Variants in VWA3A observed in about 807,000 individuals in gnomAD.
VWA3A encodes the protein von Willebrand factor A domain-containing protein 3A.
Under a neutral mutation model 160.4 loss-of-function variants are expected in VWA3A, and 134 were observed. The observed-to-expected ratio is 0.84, with a 90% confidence interval of 0.73 to 0.96. The LOEUF is 0.96. Among genes scored for constraint, VWA3A ranks in the 40% least tolerant of loss-of-function variants. VWA3A has a pLI of 0.00. For synonymous variants in VWA3A, 476 were observed against 543.4 expected (o/e 0.88, Z 1.72); for missense variants, 1,310 against 1,447.9 (o/e 0.90, Z 1.55).
At chr16:22,112,976 A>C (rs1393441889) in intron 8 of VWA3A, among the ~76,000 whole-genome samples, 2 of 152,238 alleles carry the variant, frequency 1.3e-5, no homozygotes, top group Non-Finnish European at 2.9e-5. Context: ...ATGAAAACAA[A>C]GTACCTGGCT....
At chr16:22,154,445 C>T (rs2046403860) in intron 31 of VWA3A, among the ~76,000 whole-genome samples, 1 of 144,862 alleles carries the variant, frequency 6.9e-6, no homozygotes, top group African/African-American at 2.6e-5. Context: ...TCTCATGTCT[C>T]AGCCTCCCGA....
At chr16:22,096,616 G>C (rs915477181) in intron 1 of VWA3A, among the ~76,000 whole-genome samples, 1 of 151,614 alleles carries the variant, frequency 6.6e-6, no homozygotes, top group Non-Finnish European at 1.5e-5. Context: ...ATAGTGGCTT[G>C]TGCCTGTAGT....
In VWA3A at chr16:22,132,994, C is replaced by A. The variant is rs774770543; in HGVS notation, c.1967C>A (p.Thr656Asn). ...TACGTGGGCGAGCCAAAGATGGACA[C>A]CACACCCCCTGCCCGCTATGCCAGT... ...LFYVGEPKMDTTPPARYASHT... is the reference protein window; with the variant it reads ...LFYVGEPKMDNTPPARYASHT... Residue 656 changes from threonine to asparagine, a missense_variant, in exon 20 of 34, where the codon ACC becomes AAC. Transcript: ENST00000389398. 31 of 1,613,882 alleles carry A rather than the reference C, an allele frequency of 1.9e-5. No homozygotes were observed. Among genetic ancestry groups the A allele is most frequent in the Non-Finnish European group, 2.6e-5 (31 of 1,179,914 alleles).
intron 8 of VWA3A, among the ~76,000 whole-genome samples, chr16:22,113,541 G>A (rs1285699370): frequency 6.7e-6 from 1 of 149,746 alleles, no homozygotes; most frequent in Non-Finnish European, 1.5e-5. Flanking sequence ...GTGTACTATT[G>A]TTGATTTTTC....
chr16:22,134,638 C>T (rs2046008731), intron 21 of VWA3A, among the ~76,000 whole-genome samples, 200 bp downstream of exon 21: 1 of 151,990 alleles, frequency 6.6e-6, no homozygotes, highest in Non-Finnish European at 1.5e-5. Context: ...TTGCCCCTCC[C>T]TGGCTTCTGG....
chr16:22,110,105 A>G (rs2045532223), intron 7 of VWA3A, among the ~76,000 whole-genome samples: 3 of 152,306 alleles, frequency 2.0e-5, no homozygotes, highest in East Asian at 3.9e-4. Flanking sequence ...ATTCCAGGCC[A>G]TGTGACTGCG....
chr16:22,149,392 C>T lies in VWA3A; in HGVS notation c.2985-395C>T, dbSNP rs149666852. On this transcript the variant is annotated intron_variant, in intron 28 of 33. Transcript: ENST00000389398. ...TAGCTTGGACTACAGGCGCACACCA[C>T]CATGCCTGGCTAATTTTTTAAAAAT... Among the ~76,000 whole-genome samples, 347 of 152,266 alleles carry T rather than the reference C, an allele frequency of 2.3e-3. 4 individuals carry two copies. The highest frequency in any genetic ancestry group is 7.8e-3 in the African/African-American group (325 of 41,546).
intron 17 of VWA3A, among the ~76,000 whole-genome samples, chr16:22,127,049 A>C (rs1239297062): frequency 6.7e-6 from 1 of 149,318 alleles, no homozygotes; most frequent in Admixed American, 6.7e-5. Context: ...TATAGTTTTA[A>C]AATTATATTT....
intron 1 of VWA3A, among the ~76,000 whole-genome samples, chr16:22,093,731 C>T (rs1007885085): frequency 6.6e-6 from 1 of 152,108 alleles, no homozygotes; most frequent in Non-Finnish European, 1.5e-5. Flanking sequence ...CCATTCCATT[C>T]TAAAGATGAA....
At chr16:22,141,886 G>A (rs565648655) in intron 24 of VWA3A, among the ~76,000 whole-genome samples, 194 bp downstream of exon 24, 40 of 152,270 alleles carry the variant, frequency 2.6e-4, no homozygotes, top group Middle Eastern at 6.8e-3. Flanking sequence ...CAACAACCAG[G>A]GAATGAGAGA....
At chr16:22,124,062 C>A (rs1236054741) in intron 16 of VWA3A, among the ~76,000 whole-genome samples, 1 of 151,758 alleles carries the variant, frequency 6.6e-6, no homozygotes. Context: ...GTAGTCCCAG[C>A]CACTTAGGAG....
At chr16:22,111,118 G>A (rs2045546873) in intron 8 of VWA3A, 124 bp downstream of exon 8, 4 of 781,914 alleles carry the variant, frequency 5.1e-6, no homozygotes, top group Admixed American at 3.5e-5. Flanking sequence ...AGTACAAAGA[G>A]ACAACTCACA....
At chr16:22,123,793 G>A (rs969973855) in intron 16 of VWA3A, 86 bp downstream of exon 16, 21 of 1,276,912 alleles carry the variant, frequency 1.6e-5, no homozygotes, top group South Asian at 4.1e-5. Context: ...CCTGTTGGTA[G>A]CATCAGAAGC....
chr16:22,098,961 T>C (rs1244335772), intron 3 of VWA3A, among the ~76,000 whole-genome samples: 1 of 141,772 alleles, frequency 7.1e-6, no homozygotes, highest in Non-Finnish European at 1.5e-5. Context: ...TGAGGTGTGG[T>C]GGCACGTGCC....
At chr16:22,133,332 G>T (rs557875546) in intron 20 of VWA3A, among the ~76,000 whole-genome samples, 3 of 152,130 alleles carry the variant, frequency 2.0e-5, no homozygotes, top group African/African-American at 7.2e-5. Flanking sequence ...TTGATGTTAT[G>T]TATATTTTAC....
chr16:22,093,761 T>C (rs763592789), intron 1 of VWA3A, among the ~76,000 whole-genome samples: 15 of 152,104 alleles, frequency 9.9e-5, no homozygotes, highest in Non-Finnish European at 1.9e-4. Flanking sequence ...GGTTCAGCAC[T>C]TTTTTGTTTG....
intron 21 of VWA3A, among the ~76,000 whole-genome samples, chr16:22,134,819 C>T (rs1472414743): frequency 6.6e-6 from 1 of 152,174 alleles, no homozygotes; most frequent in East Asian, 1.9e-4. Flanking sequence ...AGCCAATGAG[C>T]AGTCAGTGGA....
Position 22,121,550 on chromosome 16 carries a change from A to G in VWA3A, c.1289A>G (p.Asn430Ser), listed in dbSNP as rs543407642. Residue 430 changes from asparagine to serine, a missense_variant, in exon 14 of 34, where the codon AAT becomes AGT. Asn to Ser is a conservative substitution (Grantham distance 46). Transcript: ENST00000389398. ...AGTCTATATCAGGTCCTGGCACCCA[A>G]TGCATTCTCTCCTGTGGAGGAATTT... is the stretch of plus-strand genomic sequence containing the variant. ...KLSLYQVLAPNAFSPVEEFVP... is the reference protein window; with the variant it reads ...KLSLYQVLAPSAFSPVEEFVP... 4.9e-5 allele frequency: 79 copies of G among 1,613,796 alleles called. No homozygotes were observed. Among genetic ancestry groups the G allele is most frequent in the African/African-American group, 2.7e-4 (20 of 75,028 alleles).
Position 22,121,069 on chromosome 16 carries a change from T to G in VWA3A, c.1218T>G (p.Thr406=). The G allele has an allele frequency of 6.2e-7, 1 of 1,613,974 alleles. No individual in the cohort carries two copies. Among genetic ancestry groups the G allele is most frequent in the Non-Finnish European group, 8.5e-7 (1 of 1,179,872 alleles). ...LTIEFPNLDK[T]SAEWLKVNGL... ...TTGAGTTTCCAAACTTGGACAAGACTTCTGCAGAGTGGCTTAAGGTCAATG... is the reference window on the plus strand; with the variant it reads ...TTGAGTTTCCAAACTTGGACAAGACGTCTGCAGAGTGGCTTAAGGTCAATG... The change falls in exon 13 of 34, where the codon ACT becomes ACG. Residue 406 remains threonine, a synonymous_variant. Transcript: ENST00000389398.
Sources: gnomAD v4.1 joint callset for allele counts (sites outside exome capture counted in the v4.1 genomes callset) on GRCh38, gnomAD v4.1.1 for gene constraint, MANE v1.5 for transcripts, NCBI Gene and HGNC (gene_info 2026-07-23, HGNC 2026-07-21) for gene names.